SGK1: variants seen among roughly 807,000 people sequenced by gnomAD.
SGK1 encodes the protein serine/threonine-protein kinase Sgk1.
A neutral mutation model predicts 64.2 loss-of-function variants in SGK1; 26 were observed. That is an observed-to-expected ratio of 0.40 (90% CI 0.30 to 0.56). The LOEUF is 0.56. Ranked by LOEUF, SGK1 falls within the 20% of genes least tolerant of loss-of-function variation. The pLI is 0.38. For missense variants in SGK1, 519 were observed against 645.6 expected (o/e 0.80, Z 2.12); for synonymous variants, 265 against 239.7 (o/e 1.11, Z -0.98).
At chr6:134,175,374 G>A (rs1210514710) in intron 3 of SGK1, among the ~76,000 whole-genome samples, 1 of 151,894 alleles carries the variant, frequency 6.6e-6, no homozygotes, top group Non-Finnish European at 1.5e-5. Context: ...GCCACCCTCC[G>A]GGGTTTATCC....
chr6:134,215,261 G>A (rs1272312526), intron 2 of SGK1, among the ~76,000 whole-genome samples: 4 of 151,260 alleles, frequency 2.6e-5, no homozygotes, highest in Admixed American at 6.6e-5. Context: ...GATTATAGGC[G>A]CCTGCCACCA....
At chr6:134,226,464 C>T (rs576646482) in intron 2 of SGK1, among the ~76,000 whole-genome samples, 133 of 151,822 alleles carry the variant, frequency 8.8e-4, no homozygotes, top group African/African-American at 3.1e-3. Context: ...TTTGGGAGGC[C>T]AAGGCTGTGG....
intron 3 of SGK1, among the ~76,000 whole-genome samples, chr6:134,205,283 T>G (rs537168924): frequency 2.1e-4 from 32 of 152,246 alleles, no homozygotes; most frequent in Admixed American, 3.3e-4. Context: ...GGTGGTATAC[T>G]GCTGATGGAC....
intron 2 of SGK1, among the ~76,000 whole-genome samples, chr6:134,250,477 A>C (rs1231610233): frequency 2.0e-5 from 3 of 152,220 alleles, no homozygotes; most frequent in Non-Finnish European, 4.4e-5. Context: ...AGACAAGGGG[A>C]TCTAACATCA....
chr6:134,228,609 T>C (rs1026030443), intron 2 of SGK1, among the ~76,000 whole-genome samples: 2 of 152,202 alleles, frequency 1.3e-5, no homozygotes, highest in Admixed American at 6.5e-5. Flanking sequence ...ATAGGAATAT[T>C]GGCCATAGTA....
chr6:134,298,760 G>C, intron 1 of SGK1: 1 of 464,882 alleles, frequency 2.2e-6, no homozygotes, highest in Middle Eastern at 4.1e-4. Flanking sequence ...GAGTGAAGAA[G>C]CTGCTTCTTG....
At chr6:134,232,473 A>AAAAGAAAG (rs1776303557) in intron 2 of SGK1, among the ~76,000 whole-genome samples, 2 of 96,190 alleles carry the variant, frequency 2.1e-5, no homozygotes, top group East Asian at 2.9e-4. Context: ...GAAAGAAAGA[A>AAAAGAAAG]AGAAAGAAAG....
intron 2 of SGK1, among the ~76,000 whole-genome samples, chr6:134,241,844 T>G (rs1020525939): frequency 5.3e-5 from 8 of 151,492 alleles, no homozygotes; most frequent in Admixed American, 2.0e-4. Context: ...ATGGTCTCGA[T>G]CTCCTGACCT....
chr6:134,206,361 ATATATATATATATATATATATATT>A (rs1775774951), intron 3 of SGK1, among the ~76,000 whole-genome samples: 2 of 80,586 alleles, frequency 2.5e-5, no homozygotes, highest in East Asian at 5.7e-4. Flanking sequence ...ATATATATAT[ATATATATATATATATATATATATT>A]TTTTTTTTTT....
chr6:134,182,286 G>T (rs931208736), intron 3 of SGK1, among the ~76,000 whole-genome samples: 1 of 152,008 alleles, frequency 6.6e-6, no homozygotes, highest in Non-Finnish European at 1.5e-5. Context: ...GATGGTTTAT[G>T]CCTGTAATCC....
At chr6:134,263,753 A>C (rs1776803363) in intron 1 of SGK1, among the ~76,000 whole-genome samples, 1 of 152,132 alleles carries the variant, frequency 6.6e-6, no homozygotes, top group Admixed American at 6.6e-5. Flanking sequence ...TGATGTGTAT[A>C]GTTTTTAATC....
rs140765977 is a variant in SGK1, at chr6:134,170,403, G to A, written c.1446C>T (p.Pro482=). The A allele has an allele frequency of 2.0e-5, 33 of 1,613,640 alleles. No homozygotes were observed. The African/African-American group carries it at 2.5e-4, about 12-fold the overall frequency. ...TGGGGACAGGCTCTTCGGTAAACTCGGGGTCAAAGTGCCGTAGGTCGTTGG... is the reference window on the plus strand; with the variant it reads ...TGGGGACAGGCTCTTCGGTAAACTCAGGGTCAAAGTGCCGTAGGTCGTTGG... ...SGPNDLRHFD[P]EFTEEPVPNS... Residue 482 remains proline (P), a synonymous_variant, in exon 14 of 14, where the codon CCC becomes CCT. Transcript: ENST00000367858.
intron 2 of SGK1, among the ~76,000 whole-genome samples, chr6:134,258,415 A>T (rs569302092): frequency 2.6e-4 from 40 of 152,274 alleles, no homozygotes; most frequent in African/African-American, 4.3e-4. Flanking sequence ...ATAATAATAA[A>T]AAAAACCCAC....
intron 2 of SGK1, among the ~76,000 whole-genome samples, chr6:134,239,149 G>T (rs1776407268): frequency 6.6e-6 from 1 of 152,184 alleles, no homozygotes; most frequent in South Asian, 2.1e-4. Context: ...AATGATCCCA[G>T]GAGCTTTTGG....
At chr6:134,300,095 T>C (rs1336757585) in intron 1 of SGK1, among the ~76,000 whole-genome samples, 1 of 152,230 alleles carries the variant, frequency 6.6e-6, no homozygotes, top group Non-Finnish European at 1.5e-5. Flanking sequence ...TCTCTCTCAA[T>C]GCCTTCTTCC....
chr6:134,240,598 A>G (rs1776430162), intron 2 of SGK1, among the ~76,000 whole-genome samples: 1 of 152,236 alleles, frequency 6.6e-6, no homozygotes, highest in South Asian at 2.1e-4. Context: ...GTAGTTGTGG[A>G]AATTAAATGA....
chr6:134,261,845 T>C (rs1030718784), intron 2 of SGK1, 88 bp downstream of exon 2: 1 of 935,658 alleles, frequency 1.1e-6, no homozygotes, highest in Non-Finnish European at 1.8e-6. Context: ...AAAAAATTAT[T>C]TTTTGGGTAT....
intron 2 of SGK1, among the ~76,000 whole-genome samples, chr6:134,216,814 A>G (rs1021584713): frequency 6.6e-6 from 1 of 152,194 alleles, no homozygotes; most frequent in African/African-American, 2.4e-5. Flanking sequence ...GCTTTTAAAA[A>G]CACTGGCACC....
At chr6:134,250,525 C>T (rs763832547) in intron 2 of SGK1, among the ~76,000 whole-genome samples, 2 of 152,166 alleles carry the variant, frequency 1.3e-5, no homozygotes, top group Non-Finnish European at 2.9e-5. Flanking sequence ...TTATCCTGAA[C>T]ACTATGGACA....
Sources: allele counts gnomAD v4.1 joint callset (sites outside exome capture counted in the v4.1 genomes callset), GRCh38; gene constraint gnomAD v4.1.1; transcripts MANE v1.5; gene names NCBI Gene and HGNC (gene_info 2026-07-23, HGNC 2026-07-21).